NRCAM: variants seen among roughly 807,000 people sequenced by gnomAD.
NRCAM encodes NgCAM-related cell adhesion molecule.
A neutral mutation model predicts 156.5 loss-of-function variants in NRCAM; 83 were observed. That is an observed-to-expected ratio of 0.53 (90% CI 0.44 to 0.64). The LOEUF is 0.64. Among genes scored for constraint, NRCAM ranks in the 30% least tolerant of loss-of-function variants. The pLI is 0.00. For synonymous variants in NRCAM, 538 were observed against 563.9 expected (o/e 0.95, Z 0.65); for missense variants, 1,417 against 1,597.3 (o/e 0.89, Z 1.92).
intron 1 of NRCAM, among the ~76,000 whole-genome samples, chr7:108,449,163 T>TGCCTC (rs1250579229): frequency 6.6e-6 from 1 of 152,230 alleles, no homozygotes; most frequent in Non-Finnish European, 1.5e-5. Flanking sequence ...GTTTACCAAG[T>TGCCTC]GCCTCGCTTG....
rs1309709184 is a variant in NRCAM at position 108,258,941 on chromosome 7, C to T, written c.-106-18771G>A. Among the ~76,000 whole-genome samples the T allele has an allele frequency of 3.3e-5, 5 of 152,318 alleles. No homozygotes were observed. In the South Asian group the frequency reaches 6.2e-4, roughly 19 times the overall value. On this transcript the variant is annotated intron_variant, in intron 3 of 32. Coordinates refer to ENST00000379028, the MANE Select transcript of NRCAM (RefSeq NM_001037132.4). The stretch of plus-strand genomic sequence containing the variant: ...ACCATTAGAACTGCACTGTCAAAAA[C>T]AGCAGCCATTAGTCAAATGTGGCTA...
intron 2 of NRCAM, among the ~76,000 whole-genome samples, chr7:108,352,549 G>A (rs2099422966): frequency 6.6e-6 from 1 of 152,106 alleles, no homozygotes; most frequent in Admixed American, 6.5e-5. Context: ...TTCTATGGAG[G>A]AAAAAGATTT....
At chr7:108,343,879 G>A (rs558146701) in intron 2 of NRCAM, among the ~76,000 whole-genome samples, 1 of 152,214 alleles carries the variant, frequency 6.6e-6, no homozygotes, top group East Asian at 1.9e-4. Context: ...TTCAATCCCT[G>A]TATCTTTAAC....
rs1455729380 is a variant in NRCAM, at chr7:108,255,986, G to T, written c.-106-15816C>A. Among the ~76,000 whole-genome samples the T allele has an allele frequency of 6.2e-4, 90 of 145,596 alleles. 1 individual carries two copies. The highest frequency in any genetic ancestry group is 4.1e-4 in the Non-Finnish European group (27 of 66,142). On this transcript the variant is annotated intron_variant, in intron 3 of 32. Transcript: ENST00000379028. ...GGGGGCAGCCCCCGCCCGGCCAGCTGCCCCGTCCGGGAGGGAGGTGGGGGC... is the reference window on the plus strand; with the variant it reads ...GGGGGCAGCCCCCGCCCGGCCAGCTTCCCCGTCCGGGAGGGAGGTGGGGGC...
At chr7:108,449,606 G>A (rs1369301220) in intron 1 of NRCAM, among the ~76,000 whole-genome samples, 1 of 152,198 alleles carries the variant, frequency 6.6e-6, no homozygotes, top group Admixed American at 6.5e-5. Flanking sequence ...TAATTAATGG[G>A]AGATTAGTAC....
chr7:108,430,646 T>C (rs1021613908), intron 1 of NRCAM, among the ~76,000 whole-genome samples: 21 of 152,276 alleles, frequency 1.4e-4, no homozygotes, highest in African/African-American at 4.8e-4. Flanking sequence ...TAAATTCAAA[T>C]ATTCTCTCAG....
rs115500406 is a variant in NRCAM at position 108,379,839 on chromosome 7, C to T, written c.-174+19597G>A. 4.9e-3 allele frequency among the ~76,000 whole-genome samples: 747 copies of T among 151,674 alleles called. 4 individuals carry two copies. The highest frequency in any genetic ancestry group is 0.017 in the African/African-American group (711 of 41,336). ...TGAATAAGTTGCCCATATTACAGCA[C>T]GAGCAGAGGGAAAATATAAAAGAGA... On this transcript the variant is annotated intron_variant, in intron 2 of 32. Transcript: ENST00000379028.
chr7:108,195,937 T>C, intron 14 of NRCAM, 65 bp from the exon 15 acceptor site: 1 of 1,075,378 alleles, frequency 9.3e-7, no homozygotes, highest in Non-Finnish European at 1.4e-6. Flanking sequence ...GTTTATTTAT[T>C]GTATTTTGTT....
chr7:108,167,546 G>A (rs2055393152), intron 29 of NRCAM, among the ~76,000 whole-genome samples: 1 of 152,054 alleles, frequency 6.6e-6, no homozygotes, highest in East Asian at 1.9e-4. Flanking sequence ...CCCAAGTACC[G>A]GTTTTTCTAA....
chr7:108,424,466 T>C (rs1365022776), intron 1 of NRCAM, among the ~76,000 whole-genome samples: 1 of 152,188 alleles, frequency 6.6e-6, no homozygotes, highest in East Asian at 1.9e-4. Flanking sequence ...TAAAGGGATG[T>C]GTTGCCTATC....
At chr7:108,221,627 A>G (rs2092318180) in intron 11 of NRCAM, among the ~76,000 whole-genome samples, 1 of 152,218 alleles carries the variant, frequency 6.6e-6, no homozygotes, top group Admixed American at 6.5e-5. Context: ...GTATGTTCTC[A>G]CTGATATGTG....
intron 2 of NRCAM, among the ~76,000 whole-genome samples, chr7:108,366,055 T>C (rs2099589934): frequency 6.6e-6 from 1 of 152,186 alleles, no homozygotes; most frequent in Non-Finnish European, 1.5e-5. Context: ...AGTGGGCTTG[T>C]TCCTTTCCAT....
chr7:108,304,389 CTT>C (rs11417635), intron 3 of NRCAM, among the ~76,000 whole-genome samples: 1 of 147,212 alleles, frequency 6.8e-6, no homozygotes. Context: ...CTATTCCATG[CTT>C]TTTTTTTTTT....
chr7:108,300,244 G>A (rs982808490), intron 3 of NRCAM, among the ~76,000 whole-genome samples: 6 of 139,704 alleles, frequency 4.3e-5, no homozygotes, highest in South Asian at 2.2e-4. Context: ...ACACTGCTTA[G>A]GGCATATTTG....
intron 26 of NRCAM, 22 bp from the exon 27 acceptor site, chr7:108,176,628 C>T: frequency 6.4e-7 from 1 of 1,567,810 alleles, no homozygotes; most frequent in African/African-American, 1.4e-5. Context: ...AAATAATGAA[C>T]AAGTGCATTC....
intron 8 of NRCAM, among the ~76,000 whole-genome samples, chr7:108,227,011 C>T (rs2093579459): frequency 6.6e-6 from 1 of 152,200 alleles, no homozygotes; most frequent in Non-Finnish European, 1.5e-5. Context: ...CCCAGTTCCT[C>T]CACCTCCTCT....
At chr7:108,351,281 C>T (rs749707846) in intron 2 of NRCAM, among the ~76,000 whole-genome samples, 1 of 152,200 alleles carries the variant, frequency 6.6e-6, no homozygotes, top group Non-Finnish European at 1.5e-5. Flanking sequence ...CCTTGGACTT[C>T]CTAGGCTCCA....
At chr7:108,327,273 G>T (rs1485902420) in intron 2 of NRCAM, among the ~76,000 whole-genome samples, 1 of 152,146 alleles carries the variant, frequency 6.6e-6, no homozygotes, top group Non-Finnish European at 1.5e-5. Flanking sequence ...TTAAAATGTG[G>T]CTAATAAGAC....
chr7:108,370,531 T>C (rs1410498014), intron 2 of NRCAM, among the ~76,000 whole-genome samples: 1 of 152,154 alleles, frequency 6.6e-6, no homozygotes, highest in Non-Finnish European at 1.5e-5. Flanking sequence ...TGGTCAAAAC[T>C]TTCTAGGATA....
Sources: allele counts gnomAD v4.1 joint callset (sites outside exome capture counted in the v4.1 genomes callset), GRCh38; gene constraint gnomAD v4.1.1; transcripts MANE v1.5; gene names NCBI Gene and HGNC (gene_info 2026-07-23, HGNC 2026-07-21).